Variants in STXBP6 observed in about 807,000 individuals in gnomAD.
STXBP6 encodes syntaxin binding protein 6, also known as syntaxin-binding protein 6.
STXBP6 carries 21 observed loss-of-function variants against 26.9 expected under a neutral mutation model. The ratio of observed to expected loss-of-function variants is 0.78; its 90% confidence interval spans 0.55 to 1.12. STXBP6 has a LOEUF of 1.12. Among genes scored for constraint, STXBP6 ranks in the 50% most tolerant of loss-of-function variants. The pLI, the probability that STXBP6 is intolerant of heterozygous loss-of-function variation, is 0.00. For missense variants in STXBP6, 232 were observed against 257.9 expected, an observed-to-expected ratio of 0.90 and a Z score of 0.69; for synonymous variants, 97 against 92.6, an observed-to-expected ratio of 1.05 and a Z score of -0.27.
chr14:25,000,978 T>C (rs754394585), intron 1 of STXBP6, among the ~76,000 whole-genome samples: 1 of 152,072 alleles, frequency 6.6e-6, no homozygotes, highest in East Asian at 2.0e-4. Flanking sequence ...CTCCTGCTTG[T>C]TCACGATAAA....
intron 2 of STXBP6, among the ~76,000 whole-genome samples, chr14:24,965,057 G>A (rs1397318107): frequency 6.6e-6 from 1 of 152,160 alleles, no homozygotes; most frequent in Admixed American, 6.5e-5. Context: ...GAACAGCAGT[G>A]TGATGCCACC....
intron 1 of STXBP6, among the ~76,000 whole-genome samples, chr14:24,988,643 G>C (rs1038127058): frequency 1.3e-5 from 2 of 152,216 alleles, no homozygotes; most frequent in African/African-American, 2.4e-5. Flanking sequence ...TAGAACATAT[G>C]CCTGCTCCAG....
intron 2 of STXBP6, among the ~76,000 whole-genome samples, chr14:24,878,438 C>A (rs1311264427): frequency 6.6e-6 from 1 of 152,016 alleles, no homozygotes; most frequent in Non-Finnish European, 1.5e-5. Context: ...GTTATTCTAA[C>A]ACCATTTCTT....
chr14:25,047,944 G>A (rs1016254619), intron 1 of STXBP6, among the ~76,000 whole-genome samples: 1 of 152,160 alleles, frequency 6.6e-6, no homozygotes, highest in Non-Finnish European at 1.5e-5. Context: ...CTGGGGCCTA[G>A]GACTCTGAAT....
intron 1 of STXBP6, among the ~76,000 whole-genome samples, chr14:25,029,674 C>A (rs1443573337): frequency 6.6e-6 from 1 of 152,106 alleles, no homozygotes; most frequent in Non-Finnish European, 1.5e-5. Context: ...TGAAAAATTT[C>A]TTTTAGAACC....
intron 1 of STXBP6, among the ~76,000 whole-genome samples, chr14:25,000,447 C>G (rs926544809): frequency 6.7e-6 from 1 of 149,270 alleles, no homozygotes; most frequent in Non-Finnish European, 1.5e-5. Context: ...ACTTGGAAAA[C>G]AATACCCCAA....
chr14:24,913,760 T>C (rs74040714), intron 2 of STXBP6, among the ~76,000 whole-genome samples: 3,126 of 152,314 alleles, frequency 0.021, 115 homozygotes, highest in African/African-American at 0.071. Flanking sequence ...AAAATCTTTA[T>C]AGTCTTTGGA....
chr14:25,015,040 T>C (rs1281874789), intron 1 of STXBP6, among the ~76,000 whole-genome samples: 2 of 152,226 alleles, frequency 1.3e-5, no homozygotes, highest in Non-Finnish European at 2.9e-5. Context: ...ATTGGTTATA[T>C]TTCTATGAGC....
chr14:24,819,308 G>C (rs1211181419), intron 4 of STXBP6, 114 bp from the exon 5 acceptor site: 2 of 1,211,414 alleles, frequency 1.7e-6, no homozygotes, highest in South Asian at 1.2e-5. Flanking sequence ...CAGAAAGGCC[G>C]CTCGTCTAGT....
chr14:24,891,200 A>C (rs1215964620), intron 2 of STXBP6, among the ~76,000 whole-genome samples: 1 of 152,194 alleles, frequency 6.6e-6, no homozygotes, highest in African/African-American at 2.4e-5. Context: ...AATTAGGAGA[A>C]GAAACTGCTT....
intron 2 of STXBP6, among the ~76,000 whole-genome samples, chr14:24,944,201 C>T (rs933514013): frequency 6.6e-6 from 1 of 152,098 alleles, no homozygotes; most frequent in Non-Finnish European, 1.5e-5. Flanking sequence ...AACAGTAAAG[C>T]TCGGAGGAAC....
intron 2 of STXBP6, among the ~76,000 whole-genome samples, chr14:24,895,461 A>G (rs1045039658): frequency 6.6e-6 from 1 of 152,164 alleles, no homozygotes. Context: ...GGTTAGGAGG[A>G]GTCGCAATAA....
intron 2 of STXBP6, among the ~76,000 whole-genome samples, chr14:24,917,182 T>C (rs1340571372): frequency 1.3e-5 from 2 of 152,048 alleles, no homozygotes; most frequent in Non-Finnish European, 2.9e-5. Context: ...TGTTTAACAT[T>C]ATACCTAATG....
At chr14:24,989,261 G>A (rs141649449) in intron 1 of STXBP6, among the ~76,000 whole-genome samples, 381 of 152,264 alleles carry the variant, frequency 2.5e-3, no homozygotes, top group Non-Finnish European at 4.2e-3. Context: ...ATTCATTACT[G>A]TCTGGTTACT....
intron 2 of STXBP6, among the ~76,000 whole-genome samples, chr14:24,924,237 C>T (rs76841974): frequency 0.032 from 4,854 of 152,108 alleles, 199 homozygotes; most frequent in African/African-American, 0.1. Context: ...ATTACATTTC[C>T]ATATAAGGGT....
At chr14:24,861,344 G>A (rs1315511501) in intron 2 of STXBP6, among the ~76,000 whole-genome samples, 2 of 152,106 alleles carry the variant, frequency 1.3e-5, no homozygotes, top group Non-Finnish European at 2.9e-5. Flanking sequence ...ATATTATCAG[G>A]GCTGCTGTGT....
At chr14:24,861,039 A>AAAAG (rs926175305) in intron 2 of STXBP6, among the ~76,000 whole-genome samples, 7 of 152,096 alleles carry the variant, frequency 4.6e-5, no homozygotes, top group African/African-American at 1.7e-4. Flanking sequence ...ATTTCTCAAA[A>AAAAG]AAAGAAAGAA....
At chr14:24,923,441 T>A (rs886126159) in intron 2 of STXBP6, among the ~76,000 whole-genome samples, 3 of 152,200 alleles carry the variant, frequency 2.0e-5, no homozygotes, top group African/African-American at 7.2e-5. Context: ...TTCTTTTTCA[T>A]GTTTCCTTAC....
In STXBP6 at chr14:24,871,378, G is replaced by A. The variant is rs558406666; in HGVS notation, c.155-14221C>T. ...TTGTTGGAAGTAGGAAGATGGCACT[G>A]AGGAAGAAAAGATTAAAAAATGAAA... On this transcript the variant is annotated intron_variant, in intron 2 of 5. Coordinates refer to ENST00000323944, the MANE Select transcript of STXBP6 (RefSeq NM_001394410.1). Among the ~76,000 whole-genome samples the A allele has an allele frequency of 1.1e-4, 17 of 152,306 alleles. No individual in the cohort carries two copies. The South Asian group carries it at 3.1e-3, about 28-fold the overall frequency.
Sources: allele counts gnomAD v4.1 joint callset (sites outside exome capture counted in the v4.1 genomes callset), GRCh38; gene constraint gnomAD v4.1.1; transcripts MANE v1.5; gene names NCBI Gene and HGNC (gene_info 2026-07-23, HGNC 2026-07-21).